The following LCOR variants were observed in gnomAD, a reference collection of about 807,000 sequenced individuals.
LCOR encodes the protein ligand-dependent corepressor.
A neutral mutation model predicts 64.4 loss-of-function variants in LCOR; 14 were observed. The observed-to-expected ratio is 0.22, with a 90% CI of 0.14 to 0.34. The LOEUF is 0.34. LCOR is among the 10% of genes least tolerant of loss of function. LCOR has a pLI of 1.00. For synonymous variants in LCOR, 643 were observed against 642.5 expected (o/e 1.00, Z -0.01); for missense variants, 1,686 against 1,765.3 (o/e 0.96, Z 0.80).
chr10:96,833,573 T>G, intron 2 of LCOR, 94 bp downstream of exon 2: 2 of 437,002 alleles, frequency 4.6e-6, no homozygotes, highest in Non-Finnish European at 6.1e-6. Context: ...GCATTGTTAC[T>G]TCCCCGTCTT....
chr10:96,926,447 A>G (rs1377673046), intron 4 of LCOR, among the ~76,000 whole-genome samples: 1 of 152,222 alleles, frequency 6.6e-6, no homozygotes, highest in East Asian at 1.9e-4. Context: ...TTGTGACACA[A>G]ATAACAAGCA....
intron 4 of LCOR, among the ~76,000 whole-genome samples, chr10:96,921,605 A>C (rs997483995): frequency 1.3e-5 from 2 of 152,132 alleles, no homozygotes; most frequent in Admixed American, 6.6e-5. Flanking sequence ...GGGATTACAG[A>C]TGCATGCCAT....
intron 7 of LCOR, chr10:96,955,945 C>A (rs773579560): frequency 6.3e-6 from 10 of 1,593,750 alleles, no homozygotes; most frequent in Middle Eastern, 1.7e-4. Flanking sequence ...GTGCCAATTA[C>A]TGTACAAACT....
In LCOR at chr10:96,861,075, G is replaced by GA. The variant is rs548499962; in HGVS notation, c.-330+27603dup. On this transcript the variant is annotated intron_variant, in intron 2 of 7. Transcript: ENST00000421806. ...ACACCTTTAAGGTTGGCTGGACTTT[G>GA]AAAAAAACGTAATGAATATTCTTTT... Among the ~76,000 whole-genome samples, 202 of 152,098 alleles carry GA rather than the reference G, an allele frequency of 1.3e-3. 1 individual carries two copies. The highest frequency in any genetic ancestry group is 2.3e-3 in the Non-Finnish European group (156 of 67,954).
At chr10:96,866,194 T>G (rs1351057615) in intron 2 of LCOR, among the ~76,000 whole-genome samples, 1 of 152,242 alleles carries the variant, frequency 6.6e-6, no homozygotes, top group Admixed American at 6.5e-5. Context: ...AATTACATTT[T>G]TACTGTATTC....
At chr10:96,903,346 T>C (rs1280005045) in intron 2 of LCOR, among the ~76,000 whole-genome samples, 1 of 152,206 alleles carries the variant, frequency 6.6e-6, no homozygotes, top group East Asian at 1.9e-4. Context: ...AGCTCCGTTA[T>C]AATTTTATGG....
At chr10:96,967,780 G>T (rs944226542) in intron 7 of LCOR, among the ~76,000 whole-genome samples, 2 of 152,256 alleles carry the variant, frequency 1.3e-5, no homozygotes, top group African/African-American at 4.8e-5. Context: ...TATGAAGTGT[G>T]TATGAATGTG....
chr10:96,919,257 G>GT (rs1424015373), intron 4 of LCOR, among the ~76,000 whole-genome samples: 2 of 152,152 alleles, frequency 1.3e-5, no homozygotes, highest in African/African-American at 4.8e-5. Flanking sequence ...GAGCCTCAGT[G>GT]TTTCATTTGA....
chr10:96,952,227 T>C, intron 7 of LCOR, 31 bp downstream of exon 7: 1 of 1,447,794 alleles, frequency 6.9e-7, no homozygotes, highest in Non-Finnish European at 9.7e-7. Context: ...CCTTACACAG[T>C]TTCATATAGA....
At chr10:96,916,724 C>T (rs1846957366) in intron 4 of LCOR, among the ~76,000 whole-genome samples, 1 of 152,046 alleles carries the variant, frequency 6.6e-6, no homozygotes, top group East Asian at 1.9e-4. Context: ...AAGCAATTCT[C>T]GTGCCTCAAC....
At position 96,949,284 on chromosome 10, in the gene LCOR, C is replaced by T. The variant is rs771711824; in HGVS notation, c.227C>T (p.Pro76Leu). ...DLTVRKSQSE[P>L]SEQDGVLDLS... ...ACTGTCAGAAAGTCTCAGTCAGAAC[C>T]TAGCGAACAAGGTATGGTTTGATGT... The change falls in exon 6 of 8, where the codon CCT (proline) becomes CTT (leucine). Residue 76 changes from proline (P) to leucine (L), a missense_variant. This residue lies in a region of LCOR where 80 missense variants were observed against 107.7 expected (regional missense o/e 0.74). Transcript: ENST00000421806. 8.7e-6 allele frequency: 14 copies of T among 1,613,812 alleles called. No individual in the cohort carries two copies. The highest frequency in any genetic ancestry group is 1.2e-5 in the Non-Finnish European group (14 of 1,179,960).
chr10:96,965,029 G>C (rs1440163202), intron 7 of LCOR, among the ~76,000 whole-genome samples: 1 of 151,070 alleles, frequency 6.6e-6, no homozygotes, highest in East Asian at 2.0e-4. Flanking sequence ...TTTTTTTTGA[G>C]ATGGAGTCTC....
intron 2 of LCOR, among the ~76,000 whole-genome samples, chr10:96,840,649 C>T (rs1781622766): frequency 6.6e-6 from 1 of 152,142 alleles, no homozygotes; most frequent in Non-Finnish European, 1.5e-5. Context: ...GAGATGGGGT[C>T]TGGGATTACA....
At chr10:96,943,752 TAA>T (rs534758194) in intron 4 of LCOR, among the ~76,000 whole-genome samples, 44 of 139,968 alleles carry the variant, frequency 3.1e-4, no homozygotes, top group African/African-American at 1.1e-3. Context: ...TTTGGTAAAT[TAA>T]AAAAAAAAAA....
intron 5 of LCOR, among the ~76,000 whole-genome samples, chr10:96,947,846 G>T (rs1847614881): frequency 6.6e-6 from 1 of 151,946 alleles, no homozygotes. Context: ...GTACACAGAG[G>T]TAAACAAACA....
intron 2 of LCOR, among the ~76,000 whole-genome samples, chr10:96,860,797 C>G (rs1845875808): frequency 6.6e-6 from 1 of 152,050 alleles, no homozygotes; most frequent in South Asian, 2.1e-4. Flanking sequence ...ACCTGTGTTC[C>G]TAGTTGATGG....
At chr10:96,943,215 C>A (rs142061225) in intron 4 of LCOR, among the ~76,000 whole-genome samples, 1 of 152,188 alleles carries the variant, frequency 6.6e-6, no homozygotes, top group Middle Eastern at 3.2e-3. Flanking sequence ...CATGCCTCAG[C>A]CTCCTGAGTA....
chr10:96,897,928 T>A (rs1846569345), intron 2 of LCOR, among the ~76,000 whole-genome samples: 1 of 151,918 alleles, frequency 6.6e-6, no homozygotes, highest in South Asian at 2.1e-4. Context: ...TATTTCTATT[T>A]TTTCAAGTCT....
chr10:96,883,623 T>TA (rs1001223968), intron 2 of LCOR, among the ~76,000 whole-genome samples: 1 of 152,250 alleles, frequency 6.6e-6, no homozygotes, highest in African/African-American at 2.4e-5. Context: ...TTCATATGCT[T>TA]ACTTGCCTTC....
Sources: allele counts gnomAD v4.1 joint callset (sites outside exome capture counted in the v4.1 genomes callset), GRCh38; gene constraint gnomAD v4.1.1; regional missense constraint gnomAD v4.1.1; transcripts MANE v1.5; gene names NCBI Gene and HGNC (gene_info 2026-07-23, HGNC 2026-07-21).